The following RREB1 variants were observed in gnomAD, a reference collection of about 807,000 sequenced individuals.
RREB1 encodes the protein ras-responsive element-binding protein 1.
In RREB1, 27 loss-of-function variants were observed where a neutral mutation model predicts 117.8. That is an observed-to-expected ratio of 0.23 (90% confidence interval 0.17 to 0.32). RREB1 has a LOEUF of 0.32. Among genes scored for constraint, RREB1 ranks in the 10% least tolerant of loss-of-function variants. The probability of loss-of-function intolerance (pLI) is 1.00; values close to 1 mark genes in which losing one functional copy is unlikely to be tolerated. For synonymous variants in RREB1, 1,298 were observed against 1,026.7 expected (o/e 1.26, Z -5.05); for missense variants, 2,577 against 2,378.2 (o/e 1.08, Z -1.74).
At chr6:7,173,712 C>T (rs575943742) in intron 1 of RREB1, among the ~76,000 whole-genome samples, 2 of 151,700 alleles carry the variant, frequency 1.3e-5, no homozygotes, top group Admixed American at 6.6e-5. Context: ...CCCAGCTACC[C>T]GGGAGGCTTG....
At chr6:7,241,718 G>A (rs750358686) in intron 11 of RREB1, among the ~76,000 whole-genome samples, 5 of 152,068 alleles carry the variant, frequency 3.3e-5, no homozygotes, top group African/African-American at 4.8e-5. Context: ...CCATCTCTAC[G>A]CCTCCCACTG....
At chr6:7,132,148 G>A (rs977331402) in intron 1 of RREB1, among the ~76,000 whole-genome samples, 24 of 152,088 alleles carry the variant, frequency 1.6e-4, no homozygotes, top group Admixed American at 1.3e-3. Context: ...TCTGCCTCCC[G>A]GGTTCAAGCG....
rs759611062 is a variant in RREB1 at position 7,229,530 on chromosome 6, A to G, written c.1431A>G (p.Ala477=). ...LADIQQILKM[A]ASAPPQISLP... ...ACATCCAGCAAATTCTGAAGATGGC[A>G]GCCTCGGCTCCCCCTCAGATCAGTC... The change falls in exon 10 of 13, where the codon GCA becomes GCG. Residue 477 remains alanine (A), a synonymous_variant. Coordinates refer to ENST00000379938, the MANE Select transcript of RREB1 (RefSeq NM_001003699.4). The surrounding 1 kb of genome is among the most constrained non-coding windows in gnomAD (Gnocchi z 4.5). 1 of 1,614,122 alleles carries G rather than the reference A, an allele frequency of 6.2e-7. No homozygotes were observed. The highest frequency in any genetic ancestry group is 2.2e-5 in the East Asian group (1 of 44,876).
intron 6 of RREB1, among the ~76,000 whole-genome samples, chr6:7,191,097 C>T (rs1373970099): frequency 3.9e-5 from 6 of 152,146 alleles, no homozygotes; most frequent in Non-Finnish European, 5.9e-5. Context: ...CTATAAAAGG[C>T]GTAGTTATTG....
chr6:7,148,378 G>A (rs539804626), intron 1 of RREB1, among the ~76,000 whole-genome samples: 3 of 152,110 alleles, frequency 2.0e-5, no homozygotes, highest in Admixed American at 1.3e-4. Flanking sequence ...GAATTCAAAC[G>A]GCATGGCGGA....
chr6:7,109,571 C>T (rs961186590), intron 1 of RREB1, among the ~76,000 whole-genome samples: 1 of 152,152 alleles, frequency 6.6e-6, no homozygotes, highest in South Asian at 2.1e-4. Flanking sequence ...GGGCCCGGGC[C>T]GCTTGACAGG....
intron 1 of RREB1, among the ~76,000 whole-genome samples, chr6:7,165,614 G>A (rs1339225650): frequency 6.6e-6 from 1 of 152,178 alleles, no homozygotes; most frequent in African/African-American, 2.4e-5. Context: ...ACAAATCTGT[G>A]TGCTACAGAG....
intron 1 of RREB1, among the ~76,000 whole-genome samples, chr6:7,161,673 A>G (rs1763670402): frequency 6.6e-6 from 1 of 152,190 alleles, no homozygotes; most frequent in Non-Finnish European, 1.5e-5. Context: ...GCTTTAAAAC[A>G]AAACTCCTCT....
chr6:7,188,388 T>A (rs1397260854), intron 5 of RREB1, among the ~76,000 whole-genome samples: 1 of 151,982 alleles, frequency 6.6e-6, no homozygotes, highest in Non-Finnish European at 1.5e-5. Context: ...GTAGCTGGGA[T>A]TACAGGCGCC....
intron 1 of RREB1, among the ~76,000 whole-genome samples, chr6:7,159,007 TC>T (rs1383528571): frequency 1.3e-5 from 2 of 152,154 alleles, no homozygotes; most frequent in African/African-American, 4.8e-5. Context: ...CTTTTCCCAC[TC>T]CCCTGGTTGT....
At chr6:7,204,142 G>A (rs926972940) in intron 6 of RREB1, among the ~76,000 whole-genome samples, 3 of 152,206 alleles carry the variant, frequency 2.0e-5, no homozygotes, top group Admixed American at 6.5e-5. Flanking sequence ...AGGTGCTTAC[G>A]CATTGTCTAA....
intron 10 of RREB1, 63 bp downstream of exon 10, chr6:7,231,970 G>C (rs1362037460): frequency 3.4e-6 from 5 of 1,490,584 alleles, no homozygotes; most frequent in East Asian, 2.3e-5. Flanking sequence ...AGCCACGAGT[G>C]GGGGTCAAAA....
intron 1 of RREB1, among the ~76,000 whole-genome samples, chr6:7,121,804 C>T (rs950233266): frequency 2.0e-5 from 3 of 151,888 alleles, no homozygotes; most frequent in African/African-American, 4.8e-5. Context: ...GGAACAAAAC[C>T]GACAGTGACG....
chr6:7,246,708 T>G lies in RREB1; in HGVS notation c.4258T>G (p.Phe1420Val), dbSNP rs764722534. The G allele has an allele frequency of 1.3e-6, 2 of 1,584,802 alleles. No homozygotes were observed. The highest frequency in any genetic ancestry group is 1.7e-4 in the Middle Eastern group (1 of 6,014). Reference protein sequence around the residue: ...ASSNQSLDLDFATKLMDFKLA... With the variant: ...ASSNQSLDLDVATKLMDFKLA... ...GAGCAACCAGAGCCTGGACCTGGAC[T>G]TCGCCACCAAGCTCATGGACTTCAA... is the stretch of plus-strand genomic sequence containing the variant. Residue 1420 changes from phenylalanine to valine, a missense_variant, in exon 12 of 13, where the codon TTC becomes GTC. Transcript: ENST00000379938.
intron 1 of RREB1, among the ~76,000 whole-genome samples, chr6:7,119,646 G>C (rs946493091): frequency 6.6e-6 from 1 of 152,206 alleles, no homozygotes; most frequent in Non-Finnish European, 1.5e-5. Flanking sequence ...CAGAACCAGT[G>C]AATTACAGGG....
At chr6:7,156,655 A>G (rs1288819750) in intron 1 of RREB1, among the ~76,000 whole-genome samples, 1 of 152,194 alleles carries the variant, frequency 6.6e-6, no homozygotes, top group Non-Finnish European at 1.5e-5. Context: ...TATAGAATCC[A>G]CTTGTTTATT....
rs1764926178 is a variant in RREB1 at position 7,183,732 on chromosome 6, A to G, written c.171+1650A>G. 3 of 152,152 alleles carry G rather than the reference A, an allele frequency of 2.0e-5. No homozygotes were observed. In the South Asian group the frequency reaches 6.2e-4, roughly 32 times the overall value. 9.4% of individuals were successfully genotyped at this position (152,152 alleles called of 1,614,324 possible). On this transcript the variant is annotated intron_variant, in intron 4 of 12. Transcript: ENST00000379938. ...CTGGTATGCTGAGTTTGCTTTTGAA[A>G]TGGAGGTCCTGGCCAGAGGTAGCCT... is the stretch of plus-strand genomic sequence containing the variant.
At position 7,123,162 on chromosome 6, in the gene RREB1, G is replaced by GT. The variant is rs149980483; in HGVS notation, c.-285+15114dup. Among the ~76,000 whole-genome samples the GT allele has an allele frequency of 7.3e-3, 1,052 of 145,002 alleles. 7 individuals carry two copies. The highest frequency in any genetic ancestry group is 0.02 in the African/African-American group (785 of 39,770). On this transcript the variant is annotated intron_variant, in intron 1 of 12. Transcript: ENST00000379938. ...ATCATCTGTGAATGAAGTTGAATGT[G>GT]TTTTTTTTTTTTGGAGACAGAGTCT...
intron 6 of RREB1, among the ~76,000 whole-genome samples, chr6:7,191,043 A>G (rs1355614888): frequency 1.3e-5 from 2 of 152,230 alleles, no homozygotes; most frequent in African/African-American, 2.4e-5. Flanking sequence ...ATCACTCCTG[A>G]TTCAGACATT....
Sources: gnomAD v4.1 joint callset for allele counts (sites outside exome capture counted in the v4.1 genomes callset) on GRCh38, gnomAD v4.1.1 for gene constraint, Gnocchi (gnomAD v3.1) non-coding constraint, MANE v1.5 for transcripts, NCBI Gene and HGNC (gene_info 2026-07-23, HGNC 2026-07-21) for gene names.